Variants in ZNF131 observed in about 807,000 individuals in gnomAD.
ZNF131 encodes the protein zinc finger protein 131.
Under a neutral mutation model 60.0 loss-of-function variants are expected in ZNF131, and 7 were observed. That is an observed-to-expected ratio of 0.12 (90% confidence interval 0.07 to 0.22). The LOEUF (loss-of-function observed/expected upper bound fraction) is 0.22, where lower values mean the gene tolerates loss of function less well. ZNF131 is among the 10% of genes least tolerant of loss of function. The probability of loss-of-function intolerance (pLI) is 1.00; values close to 1 mark genes in which losing one functional copy is unlikely to be tolerated. For synonymous variants in ZNF131, 257 were observed against 253.2 expected (o/e 1.01, Z -0.14); for missense variants, 493 against 740.9 (o/e 0.67, Z 3.88).
At chr5:43,162,611 GA>G (rs1433448513) in intron 5 of ZNF131, among the ~76,000 whole-genome samples, 3 of 94,716 alleles carry the variant, frequency 3.2e-5, no homozygotes, top group African/African-American at 7.0e-5. Flanking sequence ...AAAAAGAAAA[GA>G]AAAAAAAGCG....
chr5:43,163,359 A>C (rs1749985626), intron 5 of ZNF131, among the ~76,000 whole-genome samples: 1 of 152,104 alleles, frequency 6.6e-6, no homozygotes, highest in Non-Finnish European at 1.5e-5. Flanking sequence ...ATCTCTCTCC[A>C]CCTTTTCAAC....
chr5:43,162,942 T>C (rs369826945), intron 5 of ZNF131, among the ~76,000 whole-genome samples: 1 of 107,874 alleles, frequency 9.3e-6, no homozygotes, highest in African/African-American at 2.9e-5. Context: ...ATCCCTGACA[T>C]GTTTATACTT....
At position 43,154,963 on chromosome 5, in the gene ZNF131, T is replaced by C. The variant is rs182998314; in HGVS notation, c.372-6286T>C. On this transcript the variant is annotated intron_variant, in intron 4 of 6. Coordinates refer to ENST00000682664, the MANE Select transcript of ZNF131 (RefSeq NM_001330707.2). Reference sequence around the variant, plus strand: ...ATATAGCAAGGTTAATTTGGGGGAATGTTGACCAGAGTCATGAGGACAGCC... The same window carrying C: ...ATATAGCAAGGTTAATTTGGGGGAACGTTGACCAGAGTCATGAGGACAGCC... Among the ~76,000 whole-genome samples, 256 of 152,326 alleles carry C rather than the reference T, an allele frequency of 1.7e-3. 1 individual carries two copies. The highest frequency in any genetic ancestry group is 6.0e-3 in the African/African-American group (249 of 41,572).
intron 3 of ZNF131, among the ~76,000 whole-genome samples, chr5:43,137,375 A>G (rs1024924389): frequency 2.0e-5 from 3 of 152,222 alleles, no homozygotes; most frequent in African/African-American, 7.2e-5. Flanking sequence ...TATCTGCCCA[A>G]TTAAAAACAG....
At chr5:43,162,844 G>A (rs1360831082) in intron 5 of ZNF131, among the ~76,000 whole-genome samples, 4 of 140,724 alleles carry the variant, frequency 2.8e-5, no homozygotes, top group Non-Finnish European at 6.1e-5. Context: ...GGCAGAGGTT[G>A]CCATGAGCCA....
At chr5:43,137,247 AAAC>A (rs1364785718) in intron 3 of ZNF131, among the ~76,000 whole-genome samples, 1 of 152,150 alleles carries the variant, frequency 6.6e-6, no homozygotes, top group Non-Finnish European at 1.5e-5. Flanking sequence ...ACAGCAAAGG[AAAC>A]AACTGAGTGA....
At chr5:43,126,809 G>C (rs1241673918) in intron 3 of ZNF131, among the ~76,000 whole-genome samples, 1 of 152,162 alleles carries the variant, frequency 6.6e-6, no homozygotes, top group Non-Finnish European at 1.5e-5. Context: ...ATTGGGGCTT[G>C]CTTTGAGGCA....
intron 4 of ZNF131, among the ~76,000 whole-genome samples, chr5:43,150,560 C>T (rs1438960108): frequency 3.3e-5 from 5 of 151,926 alleles, no homozygotes; most frequent in African/African-American, 7.3e-5. Flanking sequence ...GAGGCCGAGG[C>T]GGGCGGATCA....
intron 4 of ZNF131, among the ~76,000 whole-genome samples, chr5:43,143,903 T>TTTTTTTTG (rs1747199723): frequency 5.7e-5 from 2 of 35,284 alleles, no homozygotes; most frequent in African/African-American, 2.4e-4. Context: ...CAGAGCTTTT[T>TTTTTTTTG]TTTTTTTTTT....
intron 4 of ZNF131, among the ~76,000 whole-genome samples, chr5:43,145,341 A>G (rs550440622): frequency 6.6e-5 from 10 of 152,160 alleles, no homozygotes; most frequent in African/African-American, 1.7e-4. Flanking sequence ...TAAGACAAGC[A>G]TAAGAAAACT....
intron 4 of ZNF131, among the ~76,000 whole-genome samples, chr5:43,148,841 G>A (rs1747942483): frequency 6.6e-6 from 1 of 152,194 alleles, no homozygotes; most frequent in South Asian, 2.1e-4. Context: ...TTATCACAGT[G>A]ATAAACACAT....
At chr5:43,157,649 A>G (rs1430254621) in intron 4 of ZNF131, among the ~76,000 whole-genome samples, 3 of 152,214 alleles carry the variant, frequency 2.0e-5, no homozygotes, top group African/African-American at 7.2e-5. Context: ...TAAAGCTACT[A>G]CTGTAACAAA....
chr5:43,169,494 A>G (rs1750726021), intron 5 of ZNF131, among the ~76,000 whole-genome samples: 1 of 152,344 alleles, frequency 6.6e-6, no homozygotes, highest in South Asian at 2.1e-4. Flanking sequence ...TCAGGTACGC[A>G]TGCTTTTGGG....
chr5:43,121,840 A>G, intron 1 of ZNF131, 199 bp from the exon 2 acceptor site: 1 of 458,892 alleles, frequency 2.2e-6, no homozygotes, highest in South Asian at 3.0e-5. Context: ...TCAGGCTCGG[A>G]GTCCCGCGGC....
chr5:43,154,014 A>G (rs1748650995), intron 4 of ZNF131, among the ~76,000 whole-genome samples: 1 of 152,172 alleles, frequency 6.6e-6, no homozygotes. Flanking sequence ...CAGACTGCAG[A>G]TGGTATAGAA....
intron 5 of ZNF131, among the ~76,000 whole-genome samples, chr5:43,172,343 A>C (rs1230247985): frequency 2.6e-5 from 4 of 152,104 alleles, no homozygotes; most frequent in African/African-American, 9.7e-5. Flanking sequence ...TAATTTGGCC[A>C]GGTGCAGTGG....
intron 5 of ZNF131, among the ~76,000 whole-genome samples, chr5:43,165,603 C>A (rs1030940295): frequency 2.0e-5 from 3 of 152,208 alleles, no homozygotes; most frequent in African/African-American, 7.2e-5. Context: ...ATAAACCATG[C>A]TGTAAACAGA....
chr5:43,121,768 G>A (rs1304709041), intron 1 of ZNF131: 3 of 230,724 alleles, frequency 1.3e-5, no homozygotes, highest in Non-Finnish European at 2.5e-5. Flanking sequence ...GCGCCCTGGC[G>A]CTCGGAACCT....
In ZNF131 at chr5:43,175,039, A is replaced by G. The variant is rs755195401; in HGVS notation, c.1778A>G (p.Glu593Gly). ...DAAEAAREDH[E>G]DAEDLETKPT... Reference sequence around the variant, plus strand: ...GCTGAGGCTGCCAGGGAAGATCACGAAGATGCTGAGGATTTAGAGACCAAG... The same window carrying G: ...GCTGAGGCTGCCAGGGAAGATCACGGAGATGCTGAGGATTTAGAGACCAAG... The change falls in exon 7 of 7, where the codon GAA becomes GGA. Residue 593 changes from glutamate to glycine, a missense_variant. Glu to Gly is a moderately conservative substitution (Grantham distance 98, BLOSUM62 -2). Coordinates refer to ENST00000682664, the MANE Select transcript of ZNF131 (RefSeq NM_001330707.2). 9.9e-6 allele frequency: 16 copies of G among 1,614,204 alleles called. No homozygotes were observed. The highest frequency in any genetic ancestry group is 9.3e-5 in the African/African-American group (7 of 75,058).
Sources: allele counts gnomAD v4.1 joint callset (sites outside exome capture counted in the v4.1 genomes callset), GRCh38; gene constraint gnomAD v4.1.1; transcripts MANE v1.5; gene names NCBI Gene and HGNC (gene_info 2026-07-23, HGNC 2026-07-21).